Variants in SEC16B observed in about 807,000 individuals in gnomAD.
SEC16B encodes the protein SEC16 homolog B, endoplasmic reticulum export factor, also known as protein transport protein Sec16B.
In SEC16B, 115 loss-of-function variants were observed where a neutral mutation model predicts 141.8. The observed-to-expected ratio is 0.81, with a 90% CI of 0.70 to 0.95. The LOEUF is 0.95. Among genes scored for constraint, SEC16B ranks in the 40% least tolerant of loss-of-function variants. The pLI is 0.00. For missense variants in SEC16B, 1,291 were observed against 1,312.3 expected (o/e 0.98, Z 0.25); for synonymous variants, 493 against 492.5 (o/e 1.00, Z -0.01).
At chr1:177,971,198 C>T (rs1653931156), upstream of SEC16B, among the ~76,000 whole-genome samples, 2 of 152,102 alleles carry the variant, frequency 1.3e-5, no homozygotes, top group Admixed American at 1.3e-4. Flanking sequence ...TCTCCTGCCT[C>T]AGCCTCCCGA....
At chr1:177,945,920 A>G (rs988417852) in intron 14 of SEC16B, 7 of 207,114 alleles carry the variant, frequency 3.4e-5, no homozygotes, top group African/African-American at 1.6e-4. Context: ...GCTATGGCCA[A>G]CAGAGAATGT....
rs963885251 is a variant in SEC16B, at chr1:177,948,261, G to A, written c.1546-319C>T. On this transcript the variant is annotated intron_variant, in intron 12 of 25. Coordinates refer to ENST00000308284, the MANE Select transcript of SEC16B (RefSeq NM_033127.4). ...CCAGTGCCTGACCCCCAGATAGCTA[G>A]AGACAAAACTCAGAAAAACCCTGAG... is the stretch of plus-strand genomic sequence containing the variant. The A allele has an allele frequency of 1.7e-5, 18 of 1,088,736 alleles. No homozygotes were observed. The African/African-American group carries it at 2.6e-4, about 16-fold the overall frequency. 67.4% of individuals were successfully genotyped at this position (1,088,736 alleles called of 1,614,324 possible).
chr1:177,934,965 A>C (rs1199449996), intron 20 of SEC16B, among the ~76,000 whole-genome samples: 1 of 152,022 alleles, frequency 6.6e-6, no homozygotes, highest in African/African-American at 2.4e-5. Flanking sequence ...CTTGTTTCTC[A>C]GCCCTCCTCC....
intron 14 of SEC16B, chr1:177,946,149 A>G: frequency 1.7e-6 from 1 of 587,232 alleles, no homozygotes; most frequent in South Asian, 2.1e-5. Flanking sequence ...GGTGCCACCC[A>G]GTGGCCAAAG....
At chr1:177,963,318 T>C (rs142477820) in intron 5 of SEC16B, among the ~76,000 whole-genome samples, 2 of 151,296 alleles carry the variant, frequency 1.3e-5, no homozygotes, top group African/African-American at 2.4e-5. Context: ...TACAACCCCA[T>C]CTCTGGCCGA....
chr1:177,968,047 C>A lies in SEC16B; in HGVS notation c.-58-8G>T. 6.9e-7 allele frequency: 1 copy of A among 1,447,280 alleles called. No individual in the cohort carries two copies. Among genetic ancestry groups the A allele is most frequent in the Non-Finnish European group, 9.2e-7 (1 of 1,086,394 alleles). The allele number at this position is 1,447,280 out of a possible 1,614,324, so 89.7% of individuals were successfully genotyped here. On this transcript the variant is annotated splice_polypyrimidine_tract_variant and splice_region_variant and intron_variant, in intron 1 of 25. Transcript: ENST00000308284. Reference sequence around the variant, plus strand: ...TGCAGTTATTTTATCTTCCTGCAGACAAAAGAAAAAGGAAAAAATCATCAC... The same window carrying A: ...TGCAGTTATTTTATCTTCCTGCAGAAAAAAGAAAAAGGAAAAAATCATCAC...
intron 13 of SEC16B, among the ~76,000 whole-genome samples, chr1:177,946,925 G>T (rs1234059053): frequency 1.3e-5 from 2 of 152,170 alleles, no homozygotes; most frequent in Non-Finnish European, 2.9e-5. Flanking sequence ...AGGCAGCATT[G>T]CTTTCCCTGC....
chr1:177,978,742 A>AATAAATAGATAG (rs747426153), intron 1 of SEC16B, among the ~76,000 whole-genome samples: 4 of 146,268 alleles, frequency 2.7e-5, no homozygotes, highest in African/African-American at 7.7e-5. Flanking sequence ...TAAATAAATA[A>AATAAATAGATAG]ATAGCATAGC....
intron 5 of SEC16B, 91 bp downstream of exon 5, chr1:177,964,080 T>C (rs1471335086): frequency 9.3e-6 from 8 of 862,088 alleles, no homozygotes; most frequent in South Asian, 3.6e-5. Context: ...CCACTGGACA[T>C]CCATCCCCAA....
chr1:177,948,128 G>A (rs1651876395), intron 12 of SEC16B, among the ~76,000 whole-genome samples, 186 bp from the exon 13 acceptor site: 2 of 152,188 alleles, frequency 1.3e-5, no homozygotes, highest in Admixed American at 6.5e-5. Context: ...GAAGGACACA[G>A]ATAGACAGAT....
At chr1:177,932,381 A>T (rs1650489033) in intron 24 of SEC16B, 109 bp downstream of exon 24, 1 of 759,262 alleles carries the variant, frequency 1.3e-6, no homozygotes, top group Non-Finnish European at 2.0e-6. Flanking sequence ...CACAGCAGAG[A>T]AGCATTCTTC....
At chr1:177,948,678 A>T (rs1571325112) in intron 12 of SEC16B, 1 of 1,264,916 alleles carries the variant, frequency 7.9e-7, no homozygotes, top group Non-Finnish European at 1.0e-6. Context: ...AAATATCAAT[A>T]AAGAAACAAT....
At chr1:177,979,654 A>T (rs1654320854) in intron 1 of SEC16B, among the ~76,000 whole-genome samples, 1 of 152,254 alleles carries the variant, frequency 6.6e-6, no homozygotes, top group African/African-American at 2.4e-5. Flanking sequence ...GTCCATTTTC[A>T]TGCTGCTGAT....
chr1:177,978,901 C>T (rs1351525922), intron 1 of SEC16B, among the ~76,000 whole-genome samples: 2 of 152,002 alleles, frequency 1.3e-5, no homozygotes, highest in Non-Finnish European at 2.9e-5. Flanking sequence ...TCTGCTCTGT[C>T]GCTCATCATA....
chr1:177,977,343 C>T (rs575797118), intron 1 of SEC16B, among the ~76,000 whole-genome samples: 18 of 152,274 alleles, frequency 1.2e-4, no homozygotes, highest in Non-Finnish European at 1.9e-4. Flanking sequence ...AGTGTCTAAG[C>T]CAGACAGACT....
At position 177,944,622 on chromosome 1, in the gene SEC16B, G is replaced by A. The variant is rs201587630; in HGVS notation, c.1820C>T (p.Thr607Met). Residue 607 changes from threonine (T) to methionine (M), a missense_variant, in exon 15 of 26, where the codon ACG becomes ATG. Physicochemically the swap from Thr to Met is moderately conservative, Grantham distance 81. Around this residue, in one of 3 missense-constraint regions of SEC16B, gnomAD observed 605 missense variants for 614.1 expected, o/e 0.99. Transcript: ENST00000308284. ...CATCTGACAGTACTCGAAGATTTCC[G>A]TCCTCTGGATTGCCTCAGTTGTTGC... is the stretch of plus-strand genomic sequence containing the variant. ...KFATTEAIQR[T>M]EIFEYCQMLG... is the part of the protein sequence containing the mutation. The A allele has an allele frequency of 1.6e-3, 2,510 of 1,613,812 alleles. 53 individuals are homozygous for A. The South Asian group carries it at 0.023, about 15-fold the overall frequency.
At position 177,960,805 on chromosome 1, in the gene SEC16B, G is replaced by T. The variant is rs7413442; in HGVS notation, c.922C>A (p.Leu308Met). ...PTDGQAALVE[L>M]HSMEVILNDS... is the part of the protein sequence containing the mutation. ...GTCTTCTTTACCTCCATGCTGTGCA[G>T]TTCAACAAGGGCTGCTTGCCCGTCA... The change falls in exon 7 of 26, where the codon CTG becomes ATG. Residue 308 changes from leucine (L) to methionine (M), a missense_variant. This residue lies in a region of SEC16B where 681 missense variants were observed against 675.5 expected (regional missense o/e 1.01). Coordinates refer to ENST00000308284, the MANE Select transcript of SEC16B (RefSeq NM_033127.4). 1 of 1,606,542 alleles carries T rather than the reference G, an allele frequency of 6.2e-7. No individual in the cohort carries two copies. Among genetic ancestry groups the T allele is most frequent in the Admixed American group, 1.7e-5 (1 of 59,398 alleles).
chr1:177,936,313 G>A lies in SEC16B; in HGVS notation c.2556C>T (p.Val852=). ...ETSQPPDGQE[V]ISKPQTPLAA... ...GCGCTCTCACCTGTGGTTTGGAAAT[G>A]ACCTCTTGGCCATCAGGAGGCTGGG... The change falls in exon 20 of 26, where the codon GTC becomes GTT. Residue 852 remains valine (V), a synonymous_variant. Coordinates refer to ENST00000308284, the MANE Select transcript of SEC16B (RefSeq NM_033127.4). 6.2e-7 allele frequency: 1 copy of A among 1,610,620 alleles called. No homozygotes were observed. Among genetic ancestry groups the A allele is most frequent in the Non-Finnish European group, 8.5e-7 (1 of 1,178,562 alleles).
At position 177,932,816 on chromosome 1, in the gene SEC16B, G is replaced by A; in HGVS notation, c.2824-10C>T. 6.2e-7 allele frequency: 1 copy of A among 1,604,868 alleles called. No homozygotes were observed. The highest frequency in any genetic ancestry group is 8.5e-7 in the Non-Finnish European group (1 of 1,175,924). ...ATGCTCTGGGGGTCTCCTGCTTTGT[G>A]GAGAAAGAAAGGCAGCATTGGCAAC... is the stretch of plus-strand genomic sequence containing the variant. On this transcript the variant is annotated splice_polypyrimidine_tract_variant and intron_variant, in intron 22 of 25. Transcript: ENST00000308284.
Sources: allele counts gnomAD v4.1 joint callset (sites outside exome capture counted in the v4.1 genomes callset), GRCh38; gene constraint gnomAD v4.1.1; regional missense constraint gnomAD v4.1.1; transcripts MANE v1.5; gene names NCBI Gene and HGNC (gene_info 2026-07-23, HGNC 2026-07-21).